The following UBA5 variants were observed in gnomAD, a reference collection of about 807,000 sequenced individuals.
UBA5 encodes the protein ubiquitin-like modifier-activating enzyme 5.
A neutral mutation model predicts 52.9 loss-of-function variants in UBA5; 28 were observed. The observed-to-expected ratio is 0.53, with a 90% CI of 0.39 to 0.73. UBA5 has a LOEUF of 0.73. Ranked by LOEUF, UBA5 falls within the 30% of genes least tolerant of loss-of-function variation. The pLI is 0.00. For synonymous variants in UBA5, 135 were observed against 162.1 expected (o/e 0.83, Z 1.27); for missense variants, 388 against 492.7 (o/e 0.79, Z 2.01).
chr3:132,676,754 T>C lies in UBA5; in HGVS notation c.*228T>C. The C allele has an allele frequency of 3.4e-6, 2 of 581,130 alleles. No homozygotes were observed. Among genetic ancestry groups the C allele is most frequent in the Non-Finnish European group, 6.5e-6 (2 of 308,464 alleles). The allele number at this position is 581,130 out of a possible 1,614,324, so 36.0% of individuals were successfully genotyped here. ...CTAGTAAGAAAACCTCAAAGGATAT[T>C]GTAGGATATAAATCTTACTTGAAAA... On this transcript the variant is annotated 3_prime_UTR_variant, in exon 12 of 12. Coordinates refer to ENST00000356232, the MANE Select transcript of UBA5 (RefSeq NM_024818.6). This position sits in a 1 kb window ranked among gnomAD's most constrained non-coding sequence, Gnocchi z 4.1.
At position 132,660,984 on chromosome 3, in the gene UBA5, T is replaced by C; in HGVS notation, c.161+286T>C. 2 of 1,468,750 alleles carry C rather than the reference T, an allele frequency of 1.4e-6. No homozygotes were observed. The highest frequency in any genetic ancestry group is 1.8e-6 in the Non-Finnish European group (2 of 1,104,820). The allele number at this position is 1,468,750 out of a possible 1,614,324, so 91.0% of individuals were successfully genotyped here. On this transcript the variant is annotated intron_variant, in intron 1 of 11. Transcript: ENST00000356232. This position sits in a 1 kb window ranked among gnomAD's most constrained non-coding sequence, Gnocchi z 4.1. ...ACCCTTGCCTCTTAATTAGTCCGCC[T>C]CGCTGTGTATAAGACTGATAGTAAG... is the stretch of plus-strand genomic sequence containing the variant.
At position 132,678,315 on chromosome 3, in the gene UBA5, C is replaced by A. The variant is rs1427034110; in HGVS notation, c.*1789C>A. On this transcript the variant is annotated 3_prime_UTR_variant, in exon 12 of 12. Transcript: ENST00000356232. ...CTTGACAGTCTGTATGCCATGAAAACTTGCATAAGAAGGCAGCTGATTACG... is the reference window on the plus strand; with the variant it reads ...CTTGACAGTCTGTATGCCATGAAAAATTGCATAAGAAGGCAGCTGATTACG... 1.3e-5 allele frequency among the ~76,000 whole-genome samples: 2 copies of A among 152,142 alleles called. No homozygotes were observed. Among genetic ancestry groups the A allele is most frequent in the Non-Finnish European group, 2.9e-5 (2 of 68,034 alleles).
At chr3:132,659,317 T>G, upstream of UBA5, 1 of 399,202 alleles carries the variant, frequency 2.5e-6, no homozygotes, top group Non-Finnish European at 4.4e-6. Context: ...TAGCCTTAAT[T>G]GCCTTGGTGA....
chr3:132,670,937 G>C (rs182451122), intron 5 of UBA5, 28 bp from the exon 6 acceptor site: 1 of 1,573,098 alleles, frequency 6.4e-7, no homozygotes, highest in African/African-American at 1.3e-5. Flanking sequence ...GTGTCCTGAT[G>C]TTTTTCAAAC....
chr3:132,669,174 G>A (rs2107937783), intron 4 of UBA5, among the ~76,000 whole-genome samples: 1 of 152,152 alleles, frequency 6.6e-6, no homozygotes, highest in South Asian at 2.1e-4. Context: ...GCAGCTGTAG[G>A]CAAAACAAAC....
upstream of UBA5, chr3:132,659,481 G>C: frequency 7.1e-7 from 1 of 1,399,786 alleles, no homozygotes; most frequent in Non-Finnish European, 9.7e-7. Context: ...TGTAGGGTGC[G>C]TCCACTGACT....
At position 132,677,858 on chromosome 3, in the gene UBA5, A is replaced by G. The variant is rs1938900032; in HGVS notation, c.*1332A>G. The G allele has an allele frequency of 6.6e-6, 1 of 152,214 alleles. No homozygotes were observed. Among genetic ancestry groups the G allele is most frequent in the African/African-American group, 2.4e-5 (1 of 41,462 alleles). The allele number at this position is 152,214 out of a possible 1,614,324, so 9.4% of individuals were successfully genotyped here. On this transcript the variant is annotated 3_prime_UTR_variant, in exon 12 of 12. Coordinates refer to ENST00000356232, the MANE Select transcript of UBA5 (RefSeq NM_024818.6). ...ATACTGTGATTCTTATGTTTATAGT[A>G]AAGTCTGGAAAGCAGAAGGATAGTT...
At chr3:132,661,097 T>G in intron 1 of UBA5, 19 of 1,225,776 alleles carry the variant, frequency 1.6e-5, no homozygotes, top group Non-Finnish European at 2.0e-5. Flanking sequence ...TTAAATGGGG[T>G]CGGGGCGGGG....
chr3:132,660,454 C>A lies in UBA5; in HGVS notation c.-84C>A. ...AGCGGCGAGGTGCCTCCCCACGTACCCCTCGCGGGCCCAGCCGAGCAACGT... is the reference window on the plus strand; with the variant it reads ...AGCGGCGAGGTGCCTCCCCACGTACACCTCGCGGGCCCAGCCGAGCAACGT... On this transcript the variant is annotated 5_prime_UTR_variant, in exon 1 of 12. Coordinates refer to ENST00000356232, the MANE Select transcript of UBA5 (RefSeq NM_024818.6). The surrounding 1 kb of genome is among the most constrained non-coding windows in gnomAD (Gnocchi z 4.1). The A allele has an allele frequency of 6.6e-7, 1 of 1,509,338 alleles. No homozygotes were observed. The highest frequency in any genetic ancestry group is 1.4e-5 in the African/African-American group (1 of 72,464). The allele number at this position is 1,509,338 out of a possible 1,614,324, so 93.5% of individuals were successfully genotyped here. A position where few individuals can be genotyped will look rare whatever the true frequency, so the allele number is the denominator to read the frequency against.
intron 1 of UBA5, among the ~76,000 whole-genome samples, chr3:132,665,366 T>C (rs1211751866): frequency 6.6e-6 from 1 of 152,078 alleles, no homozygotes; most frequent in Non-Finnish European, 1.5e-5. Context: ...TCTTAGAGTC[T>C]TTGGCATACA....
At chr3:132,659,821 G>A, upstream of UBA5, 1 of 1,513,356 alleles carries the variant, frequency 6.6e-7, no homozygotes, top group Non-Finnish European at 8.8e-7. Flanking sequence ...CAGGATTGGG[G>A]CAACGTCCCC....
At position 132,660,986 on chromosome 3, in the gene UBA5, G is replaced by C; in HGVS notation, c.161+288G>C. On this transcript the variant is annotated intron_variant, in intron 1 of 11. Transcript: ENST00000356232. The surrounding 1 kb of genome is among the most constrained non-coding windows in gnomAD (Gnocchi z 4.1). ...CCTTGCCTCTTAATTAGTCCGCCTCGCTGTGTATAAGACTGATAGTAAGAA... is the reference window on the plus strand; with the variant it reads ...CCTTGCCTCTTAATTAGTCCGCCTCCCTGTGTATAAGACTGATAGTAAGAA... 2 of 1,465,730 alleles carry C rather than the reference G, an allele frequency of 1.4e-6. No homozygotes were observed. Among genetic ancestry groups the C allele is most frequent in the Non-Finnish European group, 1.8e-6 (2 of 1,103,014 alleles). The allele number at this position is 1,465,730 out of a possible 1,614,324, so 90.8% of individuals were successfully genotyped here. A position where few individuals can be genotyped will look rare whatever the true frequency, so the allele number is the denominator to read the frequency against.
intron 7 of UBA5, 60 bp downstream of exon 7, chr3:132,671,941 T>C (rs1027608005): frequency 2.0e-5 from 32 of 1,600,344 alleles, no homozygotes; most frequent in African/African-American, 1.9e-4. Context: ...CTTAGGGGCA[T>C]TGAAAATGTA....
At chr3:132,658,458 C>T (rs1244623928), upstream of UBA5, among the ~76,000 whole-genome samples, 1 of 152,194 alleles carries the variant, frequency 6.6e-6, no homozygotes, top group Non-Finnish European at 1.5e-5. Flanking sequence ...ACCTCTTCAA[C>T]ACTCCTACAA....
upstream of UBA5, among the ~76,000 whole-genome samples, chr3:132,657,637 C>A (rs932383406): frequency 2.0e-5 from 3 of 152,124 alleles, no homozygotes; most frequent in East Asian, 1.9e-4. Context: ...TATTGCACAT[C>A]TTTTACTTAG....
Position 132,676,557 on chromosome 3 carries a change from T to G in UBA5, c.*31T>G, listed in dbSNP as rs201930553. 1.1e-4 allele frequency: 166 copies of G among 1,509,496 alleles called. 1 individual carries two copies. In the East Asian group the frequency reaches 3.7e-3, roughly 33 times the overall value. The allele number at this position is 1,509,496 out of a possible 1,614,324, so 93.5% of individuals were successfully genotyped here. On this transcript the variant is annotated 3_prime_UTR_variant, in exon 12 of 12. Transcript: ENST00000356232. The surrounding 1 kb of genome is among the most constrained non-coding windows in gnomAD (Gnocchi z 4.1). ...GGACTGGGATATATTGTATTTCTCA[T>G]GTTAAAGCCTCTTCCCTTGAAATTA...
rs746815612 is a variant in UBA5, at chr3:132,666,002, G to T, written c.226G>T (p.Val76Leu). Residue 76 changes from valine to leucine, a missense_variant, in exon 3 of 12, where the codon GTA (valine) becomes TTA (leucine). Physicochemically the swap from Val to Leu is conservative, Grantham distance 32. Coordinates refer to ENST00000356232, the MANE Select transcript of UBA5 (RefSeq NM_024818.6). ...SDYEKIRTFA[V>L]AIVGVGGVGS... ...TTCACAGAAAATCCGTACCTTTGCC[G>T]TAGCAATAGTAGGTGTTGGTGGAGT... 2 of 1,613,508 alleles carry T rather than the reference G, an allele frequency of 1.2e-6. No individual in the cohort carries two copies. The highest frequency in any genetic ancestry group is 1.1e-5 in the South Asian group (1 of 91,060).
At chr3:132,669,413 C>T (rs1024624022) in intron 4 of UBA5, among the ~76,000 whole-genome samples, 3 of 152,010 alleles carry the variant, frequency 2.0e-5, no homozygotes, top group African/African-American at 4.8e-5. Context: ...ACTACAGGCA[C>T]GTGCCACCAT....
Position 132,660,904 on chromosome 3 carries a change from C to T in UBA5, c.161+206C>T, listed in dbSNP as rs1938126559. On this transcript the variant is annotated intron_variant, in intron 1 of 11. Transcript: ENST00000356232. The surrounding 1 kb of genome is among the most constrained non-coding windows in gnomAD (Gnocchi z 4.1). ...TCTTTTTTAAAAACCTCCAGTGAGT[C>T]AGCCATATGGTGCTGCTCCTGTGCC... is the stretch of plus-strand genomic sequence containing the variant. 5 of 1,452,112 alleles carry T rather than the reference C, an allele frequency of 3.4e-6. No individual in the cohort carries two copies. The South Asian group carries it at 5.7e-5, about 17-fold the overall frequency. 90.0% of individuals were successfully genotyped at this position (1,452,112 alleles called of 1,614,324 possible).
Sources: allele counts gnomAD v4.1 joint callset (sites outside exome capture counted in the v4.1 genomes callset), GRCh38; gene constraint gnomAD v4.1.1; non-coding constraint Gnocchi (gnomAD v3.1); transcripts MANE v1.5; gene names NCBI Gene and HGNC (gene_info 2026-07-23, HGNC 2026-07-21).